Variants in FRAS1 observed in about 807,000 individuals in gnomAD.
The protein encoded by FRAS1 is extracellular matrix organizing protein FRAS1.
In FRAS1, 290 loss-of-function variants were observed where a neutral mutation model predicts 435.2. The observed-to-expected ratio is 0.67, with a 90% CI of 0.61 to 0.73. FRAS1 has a LOEUF of 0.73. FRAS1 is among the 30% of genes least tolerant of loss of function. FRAS1 has a pLI of 0.00. For missense variants in FRAS1, 4,860 were observed against 5,001.5 expected, an observed-to-expected ratio of 0.97 and a Z score of 0.85; for synonymous variants, 1,800 against 1,851.0, an observed-to-expected ratio of 0.97 and a Z score of 0.71.
chr4:78,307,518 G>A (rs937787536), intron 14 of FRAS1, among the ~76,000 whole-genome samples: 3 of 152,346 alleles, frequency 2.0e-5, no homozygotes, highest in Admixed American at 1.3e-4. Context: ...CTCCGTGGGC[G>A]TAGGACTCTC....
chr4:78,248,476 A>T (rs765317297), intron 4 of FRAS1, among the ~76,000 whole-genome samples: 23 of 152,156 alleles, frequency 1.5e-4, no homozygotes, highest in Non-Finnish European at 2.9e-4. Context: ...GTTTACTGAA[A>T]AATGAAATGG....
chr4:78,089,911 A>G (rs1741422857), intron 2 of FRAS1, among the ~76,000 whole-genome samples: 1 of 151,486 alleles, frequency 6.6e-6, no homozygotes, highest in Non-Finnish European at 1.5e-5. Context: ...CCCTCCTCCT[A>G]CCCTCCATCC....
At chr4:78,058,412 A>C (rs889299257) in intron 1 of FRAS1, among the ~76,000 whole-genome samples, 5 of 152,092 alleles carry the variant, frequency 3.3e-5, no homozygotes, top group Admixed American at 6.5e-5. Flanking sequence ...CCCCGAAGGG[A>C]AAGCAACTGC....
chr4:78,515,862 C>T lies in FRAS1; in HGVS notation c.10238C>T (p.Pro3413Leu). Residue 3413 changes from proline (P) to leucine (L), a missense_variant, in exon 66 of 74, where the codon CCC (proline) becomes CTC (leucine). Physicochemically the swap from Pro to Leu is moderately conservative, Grantham distance 98 (BLOSUM62 -3). Coordinates refer to ENST00000512123, the MANE Select transcript of FRAS1 (RefSeq NM_025074.7). ...GCCCTGGGGCCTGGCTACGATCGCCCCTTCCAGTTTGACCCCAGCGTGCGA... is the reference window on the plus strand; with the variant it reads ...GCCCTGGGGCCTGGCTACGATCGCCTCTTCCAGTTTGACCCCAGCGTGCGA... ...STALGPGYDR[P>L]FQFDPSVREP... 1.9e-6 allele frequency: 3 copies of T among 1,613,994 alleles called. No individual in the cohort carries two copies. The highest frequency in any genetic ancestry group is 1.7e-6 in the Non-Finnish European group (2 of 1,179,898).
At chr4:78,108,929 C>A (rs1282027052) in intron 2 of FRAS1, among the ~76,000 whole-genome samples, 1 of 108,492 alleles carries the variant, frequency 9.2e-6, no homozygotes, top group Non-Finnish European at 1.9e-5. Context: ...CACCACCGAT[C>A]CCACAGAAAT....
chr4:78,414,918 G>A (rs1297595839), intron 32 of FRAS1, among the ~76,000 whole-genome samples: 1 of 152,212 alleles, frequency 6.6e-6, no homozygotes, highest in Non-Finnish European at 1.5e-5. Context: ...TGATATGGGA[G>A]CAAATGGGAG....
intron 2 of FRAS1, among the ~76,000 whole-genome samples, chr4:78,203,108 C>T (rs1298021780): frequency 6.6e-6 from 1 of 152,176 alleles, no homozygotes; most frequent in African/African-American, 2.4e-5. Flanking sequence ...GGAGTAATGA[C>T]TAAAACTTCC....
chr4:78,347,608 A>G (rs1224016379), intron 20 of FRAS1, among the ~76,000 whole-genome samples: 1 of 151,994 alleles, frequency 6.6e-6, no homozygotes, highest in African/African-American at 2.4e-5. Flanking sequence ...GTGCTGTTAC[A>G]TGCTCTTCCC....
intron 56 of FRAS1, among the ~76,000 whole-genome samples, chr4:78,480,457 T>C (rs1483637341): frequency 6.6e-6 from 1 of 152,222 alleles, no homozygotes; most frequent in Non-Finnish European, 1.5e-5. Context: ...GCATAGAGCC[T>C]AGAGCTTCAT....
chr4:78,256,257 T>C (rs1421231817), intron 6 of FRAS1, among the ~76,000 whole-genome samples: 1 of 152,208 alleles, frequency 6.6e-6, no homozygotes, highest in Non-Finnish European at 1.5e-5. Context: ...AAAGACTAGA[T>C]TGTATTATCC....
At chr4:78,144,335 G>A (rs2110002531) in intron 2 of FRAS1, among the ~76,000 whole-genome samples, 1 of 152,174 alleles carries the variant, frequency 6.6e-6, no homozygotes, top group Admixed American at 6.5e-5. Context: ...ATGAGACTCT[G>A]TTATGTGACT....
At chr4:78,391,067 C>A (rs969711039) in intron 29 of FRAS1, among the ~76,000 whole-genome samples, 1 of 152,154 alleles carries the variant, frequency 6.6e-6, no homozygotes, top group Non-Finnish European at 1.5e-5. Context: ...TGGATGGATG[C>A]AATGGCTTGA....
intron 56 of FRAS1, among the ~76,000 whole-genome samples, chr4:78,480,842 G>T (rs907814154): frequency 1.3e-5 from 2 of 152,216 alleles, no homozygotes; most frequent in African/African-American, 4.8e-5. Flanking sequence ...AAGGGATTTG[G>T]AGGAGCACTG....
At chr4:78,389,404 A>G (rs1560699124) in intron 29 of FRAS1, among the ~76,000 whole-genome samples, 1 of 152,162 alleles carries the variant, frequency 6.6e-6, no homozygotes, top group African/African-American at 2.4e-5. Context: ...GAGCCTCATG[A>G]AGGTGAACAG....
rs767674052 is a variant in FRAS1, at chr4:78,255,289, C to A, written c.517C>A (p.Arg173=). The A allele has an allele frequency of 1.1e-5, 17 of 1,556,012 alleles. No individual in the cohort carries two copies. The African/African-American group carries it at 1.5e-4, about 14-fold the overall frequency. ...GHVFQDGEDW[R]LSRCAKCLCR... The stretch of plus-strand genomic sequence containing the variant: ...TGTGTTTCAGGATGGGGAGGACTGG[C>A]GGCTGAGCCGGTGTGCCAAATGTCT... The change falls in exon 6 of 74, where the codon CGG becomes AGG. Residue 173 remains arginine (R), a synonymous_variant. Transcript: ENST00000512123.
chr4:78,379,378 G>A (rs577013577), intron 26 of FRAS1: 2 of 223,722 alleles, frequency 8.9e-6, no homozygotes, highest in Non-Finnish European at 1.7e-5. Flanking sequence ...TCCAGCCATC[G>A]GCATAGTTTC....
At chr4:78,104,635 T>A (rs962502043) in intron 2 of FRAS1, among the ~76,000 whole-genome samples, 2 of 152,222 alleles carry the variant, frequency 1.3e-5, no homozygotes, top group Admixed American at 1.3e-4. Context: ...GTTTATTCAT[T>A]CAGTCAGTTC....
chr4:78,370,341 A>G (rs1007405847), intron 23 of FRAS1, among the ~76,000 whole-genome samples: 29 of 152,206 alleles, frequency 1.9e-4, no homozygotes, highest in African/African-American at 6.5e-4. Flanking sequence ...AAAAATCAGA[A>G]GATTTCACAT....
chr4:78,508,825 C>T lies in FRAS1; in HGVS notation c.9599C>T (p.Thr3200Ile), dbSNP rs200333409. Reference sequence around the variant, plus strand: ...CCAGGCTACCCACTGGTCTGTGTCACCCCCTGCGACCCTCATTTCCCCAGA... The same window carrying T: ...CCAGGCTACCCACTGGTCTGTGTCATCCCCTGCGACCCTCATTTCCCCAGA... The part of the protein sequence containing the change: ...PSPGYPLVCV[T>I]PCDPHFPRYA... Residue 3200 changes from threonine (T) to isoleucine (I), a missense_variant, in exon 63 of 74, where the codon ACC (threonine) becomes ATC (isoleucine). Physicochemically the swap from Thr to Ile is moderately conservative, Grantham distance 89. Coordinates refer to ENST00000512123, the MANE Select transcript of FRAS1 (RefSeq NM_025074.7). 63 of 1,613,706 alleles carry T rather than the reference C, an allele frequency of 3.9e-5. No individual in the cohort carries two copies. The African/African-American group carries it at 8.3e-4, about 21-fold the overall frequency.
Sources: allele counts gnomAD v4.1 joint callset (sites outside exome capture counted in the v4.1 genomes callset), GRCh38; gene constraint gnomAD v4.1.1; transcripts MANE v1.5; gene names NCBI Gene and HGNC (gene_info 2026-07-23, HGNC 2026-07-21).